The following GALNT14 variants were observed in gnomAD, a reference collection of about 807,000 sequenced individuals.
The protein encoded by GALNT14 is polypeptide N-acetylgalactosaminyltransferase 14, also known as UDP-GalNAc:polypeptide N-acetylgalactosaminyltransferase 14.
A neutral mutation model predicts 77.5 loss-of-function variants in GALNT14; 60 were observed. The ratio of observed to expected loss-of-function variants is 0.77; its 90% confidence interval spans 0.63 to 0.96. The LOEUF (loss-of-function observed/expected upper bound fraction) is 0.96, where lower values mean the gene tolerates loss of function less well. GALNT14 is among the 40% of genes least tolerant of loss of function. The probability of loss-of-function intolerance (pLI) is 0.00; values close to 1 mark genes in which losing one functional copy is unlikely to be tolerated. For synonymous variants in GALNT14, 280 were observed against 281.7 expected, an observed-to-expected ratio of 0.99 and a Z score of 0.06; for missense variants, 710 against 731.0, an observed-to-expected ratio of 0.97 and a Z score of 0.33.
intron 1 of GALNT14, among the ~76,000 whole-genome samples, chr2:31,012,972 A>G (rs2148444953): frequency 6.6e-6 from 1 of 152,338 alleles, no homozygotes; most frequent in South Asian, 2.1e-4. Flanking sequence ...ACTGAGAACC[A>G]CAAAACACTT....
intron 2 of GALNT14, among the ~76,000 whole-genome samples, chr2:30,988,400 G>A (rs1412975120): frequency 6.6e-6 from 1 of 152,218 alleles, no homozygotes; most frequent in Admixed American, 6.5e-5. Context: ...TGACCCCACA[G>A]TAGGAGCTTC....
chr2:30,888,304 T>C, the GALNT14 span, among the ~76,000 whole-genome samples: 1 of 152,214 alleles, frequency 6.6e-6, no homozygotes, highest in Non-Finnish European at 1.5e-5. Context: ...ACTGAGGGCA[T>C]GGACTCTGCA....
At chr2:30,943,897 C>G (rs978967795) in intron 8 of GALNT14, among the ~76,000 whole-genome samples, 2 of 152,246 alleles carry the variant, frequency 1.3e-5, no homozygotes, top group African/African-American at 4.8e-5. Context: ...TCACCATTCA[C>G]ATTCCCATTC....
chr2:31,046,446 T>C (rs558578756), intron 1 of GALNT14, among the ~76,000 whole-genome samples: 2 of 152,252 alleles, frequency 1.3e-5, no homozygotes, highest in East Asian at 3.9e-4. Context: ...GCCAGGATGG[T>C]CTCGATCTCC....
At chr2:30,952,166 C>T (rs926587101) in intron 6 of GALNT14, among the ~76,000 whole-genome samples, 2 of 152,124 alleles carry the variant, frequency 1.3e-5, no homozygotes, top group Non-Finnish European at 2.9e-5. Flanking sequence ...CATATAAATA[C>T]AGTATTATAG....
chr2:31,034,775 A>G (rs1672609574), intron 1 of GALNT14, among the ~76,000 whole-genome samples: 1 of 152,170 alleles, frequency 6.6e-6, no homozygotes, highest in Non-Finnish European at 1.5e-5. Flanking sequence ...TGCATCTCAT[A>G]AATTTGTATA....
intron 1 of GALNT14, among the ~76,000 whole-genome samples, chr2:31,036,683 G>T (rs1672757413): frequency 6.6e-6 from 1 of 152,122 alleles, no homozygotes. Context: ...TTCTTGTGGG[G>T]CAGTTCTAAA....
chr2:30,960,157 G>A (rs1667597957), intron 3 of GALNT14, among the ~76,000 whole-genome samples: 1 of 152,168 alleles, frequency 6.6e-6, no homozygotes, highest in Non-Finnish European at 1.5e-5. Flanking sequence ...TCATGGTCAG[G>A]GAGGGGAAAG....
At chr2:30,977,429 A>C (rs1381940067) in intron 2 of GALNT14, among the ~76,000 whole-genome samples, 4 of 152,158 alleles carry the variant, frequency 2.6e-5, no homozygotes, top group Admixed American at 2.6e-4. Flanking sequence ...GCATGCTGGA[A>C]GATTCTGGAA....
At chr2:31,120,207 C>T (rs1027636943) in intron 1 of GALNT14, among the ~76,000 whole-genome samples, 4 of 150,658 alleles carry the variant, frequency 2.7e-5, no homozygotes, top group African/African-American at 9.8e-5. Context: ...AGTAGGATTT[C>T]TAGAATATAT....
At chr2:30,970,377 T>A (rs1668274231) in intron 2 of GALNT14, among the ~76,000 whole-genome samples, 1 of 152,178 alleles carries the variant, frequency 6.6e-6, no homozygotes, top group Non-Finnish European at 1.5e-5. Context: ...TCAAGACTGT[T>A]CCCTGTAAAA....
intron 1 of GALNT14, among the ~76,000 whole-genome samples, chr2:31,038,081 T>C (rs1274660863): frequency 1.2e-5 from 1 of 83,942 alleles, no homozygotes; most frequent in Non-Finnish European, 2.2e-5. Flanking sequence ...TATATATATA[T>C]ATATTTTTTT....
intron 2 of GALNT14, among the ~76,000 whole-genome samples, chr2:30,976,606 C>CGTGTGTGTGT (rs550215452): frequency 0.034 from 4,946 of 144,150 alleles, 110 homozygotes; most frequent in Non-Finnish European, 0.051. Flanking sequence ...TGTGCATGTG[C>CGTGTGTGTGT]GTGTGCGTGT....
intron 1 of GALNT14, among the ~76,000 whole-genome samples, chr2:31,102,580 T>C (rs1426706104): frequency 6.6e-6 from 1 of 152,190 alleles, no homozygotes; most frequent in East Asian, 1.9e-4. Flanking sequence ...AGATGGTCAA[T>C]ATTTGTGAAT....
intron 2 of GALNT14, among the ~76,000 whole-genome samples, chr2:30,991,954 C>T (rs1669731298): frequency 6.6e-6 from 1 of 152,158 alleles, no homozygotes; most frequent in South Asian, 2.1e-4. Context: ...GGCTAAGAAG[C>T]TAACACCAGT....
chr2:30,907,692 C>T (rs866900253), downstream of GALNT14, among the ~76,000 whole-genome samples: 2,104 of 150,120 alleles, frequency 0.014, 22 homozygotes, highest in Non-Finnish European at 0.021. Flanking sequence ...AAGAGGGAAT[C>T]CTCCCTAACT....
At chr2:30,942,070 C>G in intron 9 of GALNT14, 131 bp downstream of exon 9, 1 of 630,850 alleles carries the variant, frequency 1.6e-6, no homozygotes, top group Non-Finnish European at 2.8e-6. Flanking sequence ...CTCACCATCT[C>G]CCAGGACCTC....
At chr2:30,916,176 A>G (rs1223455732) in intron 13 of GALNT14, among the ~76,000 whole-genome samples, 3 of 152,234 alleles carry the variant, frequency 2.0e-5, no homozygotes, top group African/African-American at 4.8e-5. Flanking sequence ...GTTATAGATT[A>G]GAAGAAGTTA....
At chr2:30,893,757 CAACT>C in the GALNT14 span, among the ~76,000 whole-genome samples, 3 of 150,238 alleles carry the variant, frequency 2.0e-5, no homozygotes, top group Admixed American at 2.0e-4. Context: ...TCACTTCAAA[CAACT>C]ATTACCTTGA....
Sources: allele counts gnomAD v4.1 joint callset (sites outside exome capture counted in the v4.1 genomes callset), GRCh38; gene constraint gnomAD v4.1.1; transcripts MANE v1.5; gene names NCBI Gene and HGNC (gene_info 2026-07-23, HGNC 2026-07-21).